LMX1A: variants seen among roughly 807,000 people sequenced by gnomAD.
LMX1A encodes the protein LIM homeobox transcription factor 1-alpha.
A neutral mutation model predicts 49.1 loss-of-function variants in LMX1A; 15 were observed. That is an observed-to-expected ratio of 0.31 (90% CI 0.20 to 0.47). The LOEUF (loss-of-function observed/expected upper bound fraction) is 0.47, where lower values mean the gene tolerates loss of function less well. Among genes scored for constraint, LMX1A ranks in the 20% least tolerant of loss-of-function variants. The pLI, the probability that LMX1A is intolerant of heterozygous loss-of-function variation, is 1.00. For synonymous variants in LMX1A, 167 were observed against 185.7 expected (o/e 0.90, Z 0.82); for missense variants, 372 against 475.8 (o/e 0.78, Z 2.03).
intron 3 of LMX1A, among the ~76,000 whole-genome samples, chr1:165,270,927 T>A (rs1171801351): frequency 6.6e-6 from 1 of 152,182 alleles, no homozygotes; most frequent in African/African-American, 2.4e-5. Context: ...AATTTCCTCT[T>A]CCAACAGTGG....
intron 3 of LMX1A, among the ~76,000 whole-genome samples, chr1:165,275,777 C>G (rs929766485): frequency 6.6e-6 from 1 of 151,700 alleles, no homozygotes. Flanking sequence ...CACACAGGAA[C>G]GACAACTGGG....
At chr1:165,206,102 G>A (rs888316465) in intron 7 of LMX1A, 68 bp from the exon 8 acceptor site, 10 of 1,372,606 alleles carry the variant, frequency 7.3e-6, no homozygotes, top group Admixed American at 2.4e-5. Context: ...CCTGGGTCCT[G>A]ATTCCCTCAT....
intron 4 of LMX1A, among the ~76,000 whole-genome samples, chr1:165,237,426 C>G (rs1652492324): frequency 6.6e-6 from 1 of 151,986 alleles, no homozygotes; most frequent in Non-Finnish European, 1.5e-5. Flanking sequence ...GGGGTTTCAC[C>G]CAGGATGGTC....
At chr1:165,263,878 T>C (rs2101688559) in intron 3 of LMX1A, among the ~76,000 whole-genome samples, 1 of 152,346 alleles carries the variant, frequency 6.6e-6, no homozygotes, top group South Asian at 2.1e-4. Context: ...AATGGTAGGA[T>C]GGTATTTTGC....
chr1:165,213,880 A>C lies in LMX1A; in HGVS notation c.497-67T>G, dbSNP rs1372477916. ...AGTTCCTGGAGCTGTATGTTATTCC[A>C]TAGCAAGGCCTCCAGGTCCACATTT... On this transcript the variant is annotated intron_variant, in intron 4 of 8. Transcript: ENST00000342310. 6 of 1,417,190 alleles carry C rather than the reference A, an allele frequency of 4.2e-6. No individual in the cohort carries two copies. The African/African-American group carries it at 8.6e-5, about 20-fold the overall frequency. The allele number at this position is 1,417,190 out of a possible 1,614,324, so 87.8% of individuals were successfully genotyped here.
intron 3 of LMX1A, among the ~76,000 whole-genome samples, chr1:165,347,961 C>T (rs1157953534): frequency 7.9e-6 from 1 of 127,244 alleles, no homozygotes; most frequent in African/African-American, 2.5e-5. Flanking sequence ...TCACTCTCTC[C>T]AAAAACCTTC....
intron 1 of LMX1A, 118 bp downstream of exon 1, chr1:165,356,237 A>G (rs565082904): frequency 1.3e-5 from 2 of 152,366 alleles, no homozygotes; most frequent in East Asian, 3.9e-4. Context: ...GCAGAAGCAA[A>G]AGAGTCGCCT....
chr1:165,258,765 T>A (rs1420169710), intron 3 of LMX1A, among the ~76,000 whole-genome samples: 1 of 152,196 alleles, frequency 6.6e-6, no homozygotes, highest in East Asian at 1.9e-4. Context: ...ACTAACTAAG[T>A]GCTTTTCTTG....
intron 4 of LMX1A, among the ~76,000 whole-genome samples, chr1:165,232,082 T>A (rs1051026132): frequency 5.3e-5 from 8 of 152,104 alleles, no homozygotes; most frequent in Non-Finnish European, 1.2e-4. Context: ...TCAAAAAAAG[T>A]GAAGTACCGG....
At chr1:165,286,919 A>G (rs1390385153) in intron 3 of LMX1A, among the ~76,000 whole-genome samples, 1 of 152,202 alleles carries the variant, frequency 6.6e-6, no homozygotes, top group African/African-American at 2.4e-5. Context: ...AAAGAGAACA[A>G]TTCTTGAGTA....
At chr1:165,308,043 A>C (rs1444665890) in intron 3 of LMX1A, among the ~76,000 whole-genome samples, 1 of 152,212 alleles carries the variant, frequency 6.6e-6, no homozygotes, top group African/African-American at 2.4e-5. Context: ...GCTTGACAAC[A>C]TAAGAAGAAA....
intron 3 of LMX1A, among the ~76,000 whole-genome samples, chr1:165,253,266 T>C (rs1253547569): frequency 6.6e-6 from 1 of 152,152 alleles, no homozygotes; most frequent in Non-Finnish European, 1.5e-5. Flanking sequence ...TACAAAGCAA[T>C]GTCCCATGAA....
intron 3 of LMX1A, among the ~76,000 whole-genome samples, chr1:165,298,260 A>C (rs1015701397): frequency 2.6e-5 from 4 of 152,182 alleles, no homozygotes; most frequent in African/African-American, 9.6e-5. Flanking sequence ...GAGCTGATTT[A>C]CTGCCGGTGA....
chr1:165,243,408 A>G (rs1392769156), intron 4 of LMX1A, among the ~76,000 whole-genome samples: 1 of 152,216 alleles, frequency 6.6e-6, no homozygotes, highest in Non-Finnish European at 1.5e-5. Flanking sequence ...CATGGGCTAC[A>G]TCAACAGAAC....
intron 3 of LMX1A, among the ~76,000 whole-genome samples, chr1:165,339,744 G>A (rs1377967952): frequency 1.3e-5 from 2 of 152,196 alleles, no homozygotes; most frequent in Non-Finnish European, 2.9e-5. Context: ...CAAAGGGAAG[G>A]AGTGGTTGGG....
chr1:165,288,499 C>G (rs1162497115), intron 3 of LMX1A, among the ~76,000 whole-genome samples: 3 of 152,134 alleles, frequency 2.0e-5, no homozygotes, highest in African/African-American at 7.2e-5. Flanking sequence ...AACTACAAGG[C>G]AACGTGAAGC....
At chr1:165,235,717 G>A (rs1557858513) in intron 4 of LMX1A, among the ~76,000 whole-genome samples, 2 of 152,156 alleles carry the variant, frequency 1.3e-5, no homozygotes, top group South Asian at 4.1e-4. Flanking sequence ...TTAAAGGAAG[G>A]AGAAATGTTA....
intron 8 of LMX1A, among the ~76,000 whole-genome samples, 177 bp downstream of exon 8, chr1:165,205,687 G>C (rs992575214): frequency 6.6e-6 from 1 of 152,156 alleles, no homozygotes; most frequent in Non-Finnish European, 1.5e-5. Context: ...TAATGAATAT[G>C]CATGAAGGTC....
intron 3 of LMX1A, among the ~76,000 whole-genome samples, chr1:165,293,567 C>T (rs1338674894): frequency 2.0e-5 from 3 of 152,226 alleles, no homozygotes; most frequent in Non-Finnish European, 4.4e-5. Context: ...AAGGATAGTT[C>T]ATAGTTGTTA....
Sources: gnomAD v4.1 joint callset for allele counts (sites outside exome capture counted in the v4.1 genomes callset) on GRCh38, gnomAD v4.1.1 for gene constraint, MANE v1.5 for transcripts, NCBI Gene and HGNC (gene_info 2026-07-23, HGNC 2026-07-21) for gene names.